Variants in LUZP2 observed in about 807,000 individuals in gnomAD.
The protein encoded by LUZP2 is leucine zipper protein 2.
Under a neutral mutation model 51.6 loss-of-function variants are expected in LUZP2, and 52 were observed. The ratio of observed to expected loss-of-function variants is 1.01; its 90% CI spans 0.81 to 1.27. The LOEUF (loss-of-function observed/expected upper bound fraction) is 1.27. Ranked by LOEUF, LUZP2 falls within the 50% of genes most tolerant of loss-of-function variation. LUZP2 has a pLI of 0.00. For missense variants in LUZP2, 436 were observed against 395.4 expected, an observed-to-expected ratio of 1.10 and a Z score of -0.87; for synonymous variants, 154 against 137.3, an observed-to-expected ratio of 1.12 and a Z score of -0.85.
At chr11:25,077,498 T>G (rs973847975) in intron 11 of LUZP2, 92 bp downstream of exon 11, 10 of 477,044 alleles carry the variant, frequency 2.1e-5, no homozygotes, top group African/African-American at 1.7e-4. Flanking sequence ...ATTTTTTATT[T>G]TTTATTTATT....
At chr11:24,772,825 G>A (rs77283886) in intron 5 of LUZP2, among the ~76,000 whole-genome samples, 6,545 of 152,098 alleles carry the variant, frequency 0.043, 208 homozygotes, top group Middle Eastern at 0.088. Flanking sequence ...TTCAGTATTC[G>A]TATGCCTCTA....
At chr11:25,070,376 A>G (rs1056995331) in intron 10 of LUZP2, among the ~76,000 whole-genome samples, 9 of 152,014 alleles carry the variant, frequency 5.9e-5, no homozygotes, top group African/African-American at 1.7e-4. Context: ...GCAAAGGCAA[A>G]GCAAAGATAA....
intron 5 of LUZP2, among the ~76,000 whole-genome samples, chr11:24,828,490 A>G (rs530174840): frequency 2.0e-5 from 3 of 152,060 alleles, no homozygotes; most frequent in African/African-American, 7.3e-5. Flanking sequence ...ATTAAGAAAA[A>G]TCACAGGTAT....
intron 7 of LUZP2, among the ~76,000 whole-genome samples, chr11:24,917,906 A>G (rs1246958481): frequency 6.6e-6 from 1 of 152,102 alleles, no homozygotes; most frequent in Non-Finnish European, 1.5e-5. Flanking sequence ...ATGATATTGA[A>G]TCTAAAAATT....
intron 5 of LUZP2, among the ~76,000 whole-genome samples, chr11:24,853,587 G>A (rs1182439110): frequency 2.0e-5 from 3 of 152,010 alleles, no homozygotes; most frequent in Non-Finnish European, 4.4e-5. Context: ...GCTTGGAGGA[G>A]TTTGTTATTA....
intron 7 of LUZP2, among the ~76,000 whole-genome samples, chr11:24,966,199 T>TA (rs1224591653): frequency 6.6e-6 from 1 of 151,646 alleles, no homozygotes; most frequent in Non-Finnish European, 1.5e-5. Context: ...GACCAATTTT[T>TA]AAAAAATGTG....
chr11:24,896,496 A>G (rs7930776), intron 5 of LUZP2, among the ~76,000 whole-genome samples: 152,254 of 152,278 alleles, frequency 1, 76,115 homozygotes, highest in Middle Eastern at 1. Flanking sequence ...TGCTGCGCTC[A>G]AATTCTCGCC....
At chr11:24,772,516 G>A (rs1012090411) in intron 5 of LUZP2, among the ~76,000 whole-genome samples, 4 of 151,984 alleles carry the variant, frequency 2.6e-5, no homozygotes, top group Non-Finnish European at 5.9e-5. Flanking sequence ...TCACTTTATT[G>A]CTGGTTATTT....
intron 5 of LUZP2, among the ~76,000 whole-genome samples, chr11:24,882,537 A>G (rs1422051436): frequency 1.3e-5 from 2 of 152,060 alleles, no homozygotes; most frequent in South Asian, 2.1e-4. Flanking sequence ...ATGTATAATG[A>G]CATGTATCCA....
chr11:24,782,884 C>T (rs1329525026), intron 5 of LUZP2, among the ~76,000 whole-genome samples: 1 of 151,944 alleles, frequency 6.6e-6, no homozygotes, highest in Non-Finnish European at 1.5e-5. Context: ...TTGCACAATT[C>T]AGTAAATCAG....
chr11:24,758,689 A>C (rs1215768190), intron 4 of LUZP2, among the ~76,000 whole-genome samples: 2 of 152,028 alleles, frequency 1.3e-5, no homozygotes, highest in African/African-American at 2.4e-5. Flanking sequence ...TGATTAGAGA[A>C]ATATTGTGCT....
chr11:24,927,851 G>A (rs1313364667), intron 7 of LUZP2, among the ~76,000 whole-genome samples: 1 of 152,020 alleles, frequency 6.6e-6, no homozygotes, highest in Non-Finnish European at 1.5e-5. Context: ...TCACGATATT[G>A]ATTCTACCCA....
intron 1 of LUZP2, among the ~76,000 whole-genome samples, chr11:24,714,694 C>T (rs12283604): frequency 0.051 from 7,765 of 152,228 alleles, 664 homozygotes; most frequent in African/African-American, 0.18. Flanking sequence ...TTGACATGCT[C>T]ATGAATCCTC....
At chr11:24,707,634 G>A (rs1254685329) in intron 1 of LUZP2, among the ~76,000 whole-genome samples, 2 of 152,068 alleles carry the variant, frequency 1.3e-5, no homozygotes, top group East Asian at 3.9e-4. Flanking sequence ...AAGTACCAGA[G>A]TCCAAGGGCA....
chr11:24,907,417 A>C (rs1853492875), intron 6 of LUZP2, among the ~76,000 whole-genome samples: 1 of 152,158 alleles, frequency 6.6e-6, no homozygotes, highest in Non-Finnish European at 1.5e-5. Context: ...TAATACACAA[A>C]AACTAAAAGA....
chr11:24,749,956 A>G (rs1859519040), intron 4 of LUZP2, among the ~76,000 whole-genome samples: 1 of 152,140 alleles, frequency 6.6e-6, no homozygotes, highest in South Asian at 2.1e-4. Flanking sequence ...GTGATCCTGT[A>G]AGCCAATTCT....
At chr11:24,750,925 T>C (rs1303552315) in intron 4 of LUZP2, among the ~76,000 whole-genome samples, 9 of 152,308 alleles carry the variant, frequency 5.9e-5, no homozygotes, top group East Asian at 1.9e-4. Context: ...ATGATATTCT[T>C]GACTTTCTAC....
At chr11:24,816,006 T>A (rs76017103) in intron 5 of LUZP2, among the ~76,000 whole-genome samples, 7 of 139,102 alleles carry the variant, frequency 5.0e-5, no homozygotes, top group African/African-American at 1.3e-4. Flanking sequence ...CTTTTTTTTT[T>A]AAAAAAAAAA....
intron 1 of LUZP2, among the ~76,000 whole-genome samples, chr11:24,622,944 T>A (rs1301285657): frequency 1.3e-5 from 2 of 152,218 alleles, no homozygotes; most frequent in Non-Finnish European, 2.9e-5. Context: ...AGCATTGCAC[T>A]TTAGAAGAAA....
Sources: allele counts gnomAD v4.1 joint callset (sites outside exome capture counted in the v4.1 genomes callset), GRCh38; gene constraint gnomAD v4.1.1; transcripts MANE v1.5; gene names NCBI Gene and HGNC (gene_info 2026-07-23, HGNC 2026-07-21).